The following EPS8 variants were observed in gnomAD, a reference collection of about 807,000 sequenced individuals.
The protein encoded by EPS8 is EGFR pathway substrate 8, signaling adaptor, also known as epidermal growth factor receptor kinase substrate 8.
EPS8 carries 42 observed loss-of-function variants against 103.8 expected under a neutral mutation model. The ratio of observed to expected loss-of-function variants is 0.40; its 90% CI spans 0.32 to 0.52. EPS8 has a LOEUF of 0.52. Ranked by LOEUF, EPS8 falls within the 20% of genes least tolerant of loss-of-function variation. The probability of loss-of-function intolerance (pLI) is 0.40; values close to 1 mark genes in which losing one functional copy is unlikely to be tolerated. For missense variants in EPS8, 969 were observed against 1,005.1 expected, an observed-to-expected ratio of 0.96 and a Z score of 0.49; for synonymous variants, 344 against 344.6, an observed-to-expected ratio of 1.00 and a Z score of 0.02.
chr12:15,628,311 A>G (rs1474606611), intron 18 of EPS8, among the ~76,000 whole-genome samples: 2 of 152,210 alleles, frequency 1.3e-5, no homozygotes, highest in African/African-American at 4.8e-5. Context: ...CTTAGTCAGT[A>G]TATCAATCAT....
In EPS8 at chr12:15,745,415, A is replaced by G. The variant is rs986607280; in HGVS notation, c.-22+43746T>C. The stretch of plus-strand genomic sequence containing the variant: ...CACTCTTTAATGCCAAGCTGAACCC[A>G]AAGATGTGGGAATTCTCAACATTGC... On this transcript the variant is annotated intron_variant, in intron 1 of 20. Coordinates refer to ENST00000281172, the MANE Select transcript of EPS8 (RefSeq NM_004447.6). The surrounding 1 kb of genome is among the most constrained non-coding windows in gnomAD (Gnocchi z 4.6). Among the ~76,000 whole-genome samples, 2 of 152,166 alleles carry G rather than the reference A, an allele frequency of 1.3e-5. No individual in the cohort carries two copies. Among genetic ancestry groups the G allele is most frequent in the African/African-American group, 4.8e-5 (2 of 41,458 alleles).
chr12:15,643,445 G>T (rs1175692841), intron 15 of EPS8, among the ~76,000 whole-genome samples: 1 of 152,056 alleles, frequency 6.6e-6, no homozygotes, highest in East Asian at 1.9e-4. Context: ...TTTCAGAGAT[G>T]CCAGACTTTC....
intron 9 of EPS8, among the ~76,000 whole-genome samples, chr12:15,661,597 G>C (rs932246766): frequency 2.0e-5 from 3 of 152,000 alleles, no homozygotes; most frequent in Non-Finnish European, 4.4e-5. Context: ...AAAGCTTTAC[G>C]ATTTACAAAT....
intron 1 of EPS8, among the ~76,000 whole-genome samples, chr12:15,744,543 C>G (rs758115428): frequency 6.6e-6 from 1 of 152,146 alleles, no homozygotes; most frequent in Non-Finnish European, 1.5e-5. Context: ...ATTCCAGGCT[C>G]TTTTTTAAGT....
intron 17 of EPS8, among the ~76,000 whole-genome samples, chr12:15,634,032 A>G (rs1457344588): frequency 3.9e-5 from 6 of 152,132 alleles, no homozygotes; most frequent in African/African-American, 1.4e-4. Context: ...AACGTATCTC[A>G]GTTTACGTAA....
chr12:15,623,336 A>G, intron 19 of EPS8, 49 bp from the exon 20 acceptor site: 1 of 1,533,314 alleles, frequency 6.5e-7, no homozygotes, highest in Non-Finnish European at 8.8e-7. Flanking sequence ...AATATTGCCT[A>G]CAAACAAAGG....
chr12:15,766,749 T>C (rs947514731), intron 1 of EPS8, among the ~76,000 whole-genome samples: 35 of 152,030 alleles, frequency 2.3e-4, no homozygotes, highest in African/African-American at 8.5e-4. Context: ...TTATCCGAGT[T>C]AAAGCTAAAT....
In EPS8 at chr12:15,778,456, T is replaced by C. The variant is rs977846340; in HGVS notation, c.-22+10705A>G. On this transcript the variant is annotated intron_variant, in intron 1 of 20. Coordinates refer to ENST00000281172, the MANE Select transcript of EPS8 (RefSeq NM_004447.6). This position sits in a 1 kb window ranked among gnomAD's most constrained non-coding sequence, Gnocchi z 4.5. ...AACTACTGACAAAATTAATGTTCTCTCGACTAAAAGGATCTTGATGTGCAA... is the reference window on the plus strand; with the variant it reads ...AACTACTGACAAAATTAATGTTCTCCCGACTAAAAGGATCTTGATGTGCAA... Among the ~76,000 whole-genome samples, 3 of 152,342 alleles carry C rather than the reference T, an allele frequency of 2.0e-5. No individual in the cohort carries two copies. Among genetic ancestry groups the C allele is most frequent in the Admixed American group, 2.0e-4 (3 of 15,292 alleles).
At chr12:15,681,184 G>C (rs748662157) in intron 3 of EPS8, 42 bp downstream of exon 3, 1 of 1,031,930 alleles carries the variant, frequency 9.7e-7, no homozygotes, top group East Asian at 2.5e-5. Flanking sequence ...TGTAAAAAGT[G>C]GTTAGAAACA....
intron 17 of EPS8, among the ~76,000 whole-genome samples, chr12:15,632,766 A>C (rs1258258567): frequency 6.6e-6 from 1 of 152,178 alleles, no homozygotes; most frequent in Admixed American, 6.5e-5. Flanking sequence ...AATACACACC[A>C]CACACAGACA....
rs557819074 is a variant in EPS8 at position 15,697,140 on chromosome 12, A to T, written c.-21-14168T>A. Reference sequence around the variant, plus strand: ...AGGGAAAACTTGAGGGACAAGCACAAACTGATTTGGGAAAATGGCCTATAG... The same window carrying T: ...AGGGAAAACTTGAGGGACAAGCACATACTGATTTGGGAAAATGGCCTATAG... On this transcript the variant is annotated intron_variant, in intron 1 of 20. Coordinates refer to ENST00000281172, the MANE Select transcript of EPS8 (RefSeq NM_004447.6). This position sits in a 1 kb window ranked among gnomAD's most constrained non-coding sequence, Gnocchi z 5.6. Among the ~76,000 whole-genome samples, 2 of 152,096 alleles carry T rather than the reference A, an allele frequency of 1.3e-5. No individual in the cohort carries two copies. The highest frequency in any genetic ancestry group is 4.8e-5 in the African/African-American group (2 of 41,402).
intron 1 of EPS8, among the ~76,000 whole-genome samples, chr12:15,763,727 A>G (rs907662514): frequency 2.0e-5 from 3 of 152,180 alleles, no homozygotes; most frequent in Non-Finnish European, 4.4e-5. Flanking sequence ...TGTTTATGAA[A>G]TTTTTATGTA....
chr12:15,778,622 AT>A lies in EPS8; in HGVS notation c.-22+10538del, dbSNP rs1330435968. ...TGAAGATAGGGTTTCAAAAATTCACATTCCTGGATTAAAGAATAATATTTGT... is the reference window on the plus strand; with the variant it reads ...TGAAGATAGGGTTTCAAAAATTCACATCCTGGATTAAAGAATAATATTTGT... On this transcript the variant is annotated intron_variant, in intron 1 of 20. Transcript: ENST00000281172. The surrounding 1 kb of genome is among the most constrained non-coding windows in gnomAD (Gnocchi z 4.5). Among the ~76,000 whole-genome samples, 13 of 152,336 alleles carry A rather than the reference AT, an allele frequency of 8.5e-5. No homozygotes were observed. The East Asian group carries it at 2.5e-3, about 29-fold the overall frequency.
intron 2 of EPS8, among the ~76,000 whole-genome samples, chr12:15,682,151 A>G (rs752425573): frequency 2.6e-5 from 4 of 152,174 alleles, no homozygotes; most frequent in Non-Finnish European, 4.4e-5. Flanking sequence ...GGTACGTGGA[A>G]CTGACTCAAG....
chr12:15,745,878 C>G lies in EPS8; in HGVS notation c.-22+43283G>C, dbSNP rs1946870498. Among the ~76,000 whole-genome samples the G allele has an allele frequency of 6.6e-6, 1 of 152,174 alleles. No individual in the cohort carries two copies. The highest frequency in any genetic ancestry group is 1.5e-5 in the Non-Finnish European group (1 of 68,030). On this transcript the variant is annotated intron_variant, in intron 1 of 20. Coordinates refer to ENST00000281172, the MANE Select transcript of EPS8 (RefSeq NM_004447.6). The surrounding 1 kb of genome is among the most constrained non-coding windows in gnomAD (Gnocchi z 4.6). The stretch of plus-strand genomic sequence containing the variant: ...ACGTTGTCCAAATGAAACTAGTTAA[C>G]ATTATTAAACTGAATTACTATCATG...
chr12:15,713,669 G>A lies in EPS8; in HGVS notation c.-21-30697C>T, dbSNP rs1946496156. The stretch of plus-strand genomic sequence containing the variant: ...TACTTATGCAGGGACAGAAGGGGAG[G>A]CCCTGGGCACACGAGGTATAAAGTT... On this transcript the variant is annotated intron_variant, in intron 1 of 20. Transcript: ENST00000281172. This position sits in a 1 kb window ranked among gnomAD's most constrained non-coding sequence, Gnocchi z 4.8. Among the ~76,000 whole-genome samples, 1 of 152,190 alleles carries A rather than the reference G, an allele frequency of 6.6e-6. No individual in the cohort carries two copies. The highest frequency in any genetic ancestry group is 1.5e-5 in the Non-Finnish European group (1 of 68,024).
intron 6 of EPS8, 132 bp from the exon 7 acceptor site, chr12:15,666,654 A>C (rs1945717631): frequency 1.6e-6 from 1 of 628,894 alleles, no homozygotes; most frequent in Non-Finnish European, 2.7e-6. Context: ...TTTTTATAAA[A>C]ATCTTGCAAA....
chr12:15,642,771 G>C (rs1945254655), intron 15 of EPS8, among the ~76,000 whole-genome samples: 1 of 152,128 alleles, frequency 6.6e-6, no homozygotes. Flanking sequence ...TCTTTTTGCT[G>C]TCTACCAAGT....
chr12:15,632,865 C>T (rs1945072320), intron 17 of EPS8, among the ~76,000 whole-genome samples: 1 of 152,212 alleles, frequency 6.6e-6, no homozygotes, highest in South Asian at 2.1e-4. Flanking sequence ...CCTGTGGAAA[C>T]CGGTGTGGGA....
Sources: gnomAD v4.1 joint callset for allele counts (sites outside exome capture counted in the v4.1 genomes callset) on GRCh38, gnomAD v4.1.1 for gene constraint, Gnocchi (gnomAD v3.1) non-coding constraint, MANE v1.5 for transcripts, NCBI Gene and HGNC (gene_info 2026-07-23, HGNC 2026-07-21) for gene names.